Variants in HDAC4 observed in about 807,000 individuals in gnomAD.
HDAC4 encodes the protein histone deacetylase 4.
A neutral mutation model predicts 135.1 loss-of-function variants in HDAC4; 16 were observed. The ratio of observed to expected loss-of-function variants is 0.12; its 90% CI spans 0.08 to 0.18. The LOEUF (loss-of-function observed/expected upper bound fraction) is 0.18, where lower values mean the gene tolerates loss of function less well. Among genes scored for constraint, HDAC4 ranks in the 10% least tolerant of loss-of-function variants. The pLI is 1.00. For synonymous variants in HDAC4, 685 were observed against 653.4 expected, an observed-to-expected ratio of 1.05 and a Z score of -0.74; for missense variants, 1,143 against 1,511.8, an observed-to-expected ratio of 0.76 and a Z score of 4.05.
At chr2:239,137,352 A>G (rs906045622) in intron 9 of HDAC4, among the ~76,000 whole-genome samples, 2 of 152,220 alleles carry the variant, frequency 1.3e-5, no homozygotes. Context: ...AGCAGCGGCC[A>G]CAGAGGAGCT....
chr2:239,163,993 G>A (rs940977880), intron 5 of HDAC4, 70 bp from the exon 6 acceptor site: 2 of 1,584,930 alleles, frequency 1.3e-6, no homozygotes, highest in Non-Finnish European at 1.7e-6. Context: ...CAGGGCAGCG[G>A]GGCCACAGAG....
intron 3 of HDAC4, among the ~76,000 whole-genome samples, chr2:239,198,062 T>C (rs1001115285): frequency 4.6e-4 from 70 of 152,172 alleles, no homozygotes; most frequent in African/African-American, 1.6e-3. Flanking sequence ...GCCAGGCTGG[T>C]CTCAAACTCC....
At chr2:239,290,600 C>G (rs902425685) in intron 2 of HDAC4, among the ~76,000 whole-genome samples, 14 of 148,728 alleles carry the variant, frequency 9.4e-5, no homozygotes, top group Non-Finnish European at 1.6e-4. Flanking sequence ...CACACACACA[C>G]AGGCACGTGC....
At chr2:239,053,363 A>T (rs1246301286) in intron 26 of HDAC4, 97 bp downstream of exon 26, 1 of 1,498,652 alleles carries the variant, frequency 6.7e-7, no homozygotes, top group Non-Finnish European at 9.1e-7. Context: ...TCTGTTGGGC[A>T]GGGCATGTGC....
chr2:239,191,205 G>A, intron 3 of HDAC4: 1 of 339,378 alleles, frequency 2.9e-6, no homozygotes, highest in East Asian at 7.8e-5. Flanking sequence ...AGCTCAGAGG[G>A]GTGTCTGGGC....
At chr2:239,107,723 G>GA (rs1460544229) in intron 15 of HDAC4, among the ~76,000 whole-genome samples, 1 of 152,262 alleles carries the variant, frequency 6.6e-6, no homozygotes, top group Non-Finnish European at 1.5e-5. Context: ...CCTTGGGGAA[G>GA]TGACCCGGAG....
In HDAC4 at chr2:239,256,417, AT is replaced by A. The variant is rs746805227; in HGVS notation, c.23-19754del. 3.9e-5 allele frequency among the ~76,000 whole-genome samples: 6 copies of A among 152,218 alleles called. No homozygotes were observed. The East Asian group carries it at 7.7e-4, about 20-fold the overall frequency. ...AGGGGAAAGAGATTCAGAACAACAC[AT>A]GGGGGAAAGGACAGGCTGGTCGGGG... On this transcript the variant is annotated intron_variant, in intron 2 of 26. Transcript: ENST00000543185.
Position 239,352,549 on chromosome 2 carries a change from A to G in HDAC4, c.22+129T>C, listed in dbSNP as rs993693160. On this transcript the variant is annotated intron_variant, in intron 2 of 26. Transcript: ENST00000543185. This position sits in a 1 kb window ranked among gnomAD's most constrained non-coding sequence, Gnocchi z 4.4. ...CATTTTGCACTTTGTGCTGTCAAAA[A>G]CCAACAGTGACCACTATCAAGAAAA... 16 of 869,902 alleles carry G rather than the reference A, an allele frequency of 1.8e-5. No individual in the cohort carries two copies. The highest frequency in any genetic ancestry group is 2.8e-5 in the Non-Finnish European group (15 of 529,922). The allele number at this position is 869,902 out of a possible 1,614,324, so 53.9% of individuals were successfully genotyped here. A position where few individuals can be genotyped will look rare whatever the true frequency, so the allele number is the denominator to read the frequency against.
At chr2:239,359,585 G>C (rs1340298697) in intron 1 of HDAC4, among the ~76,000 whole-genome samples, 1 of 152,192 alleles carries the variant, frequency 6.6e-6, no homozygotes, top group African/African-American at 2.4e-5. Flanking sequence ...CTGGGGGGTG[G>C]GGGCTCCAGC....
intron 12 of HDAC4, among the ~76,000 whole-genome samples, chr2:239,118,218 ACTTT>A (rs3838510): frequency 0.084 from 12,725 of 152,164 alleles, 844 homozygotes; most frequent in Admixed American, 0.23. Flanking sequence ...TCATCCCTTA[ACTTT>A]CTTTCTAAGA....
chr2:239,198,708 C>G (rs2045563467), intron 3 of HDAC4, among the ~76,000 whole-genome samples: 1 of 152,188 alleles, frequency 6.6e-6, no homozygotes, highest in Admixed American at 6.5e-5. Context: ...AGTTGCCAGG[C>G]TCTCATTCGT....
intron 24 of HDAC4, among the ~76,000 whole-genome samples, chr2:239,060,777 T>G (rs369254057): frequency 7.2e-4 from 110 of 152,328 alleles, no homozygotes; most frequent in African/African-American, 2.6e-3. Flanking sequence ...AGCGTAACTC[T>G]GTCTGTCACA....
In HDAC4 at chr2:239,066,653, G is replaced by T; in HGVS notation, c.3003+69C>A. On this transcript the variant is annotated intron_variant, in intron 24 of 26. Coordinates refer to ENST00000543185, the MANE Select transcript of HDAC4 (RefSeq NM_001378414.1). ...GGCTTTTTCATGCTCTGGGGCTCTCGGGCAGCCAGGCCACAACCCCGAGCC... is the reference window on the plus strand; with the variant it reads ...GGCTTTTTCATGCTCTGGGGCTCTCTGGCAGCCAGGCCACAACCCCGAGCC... 2.5e-6 allele frequency: 4 copies of T among 1,608,318 alleles called. No homozygotes were observed. In the South Asian group the frequency reaches 3.3e-5, roughly 13 times the overall value.
At position 239,238,755 on chromosome 2, in the gene HDAC4, G is replaced by A. The variant is rs140699056; in HGVS notation, c.23-2091C>T. On this transcript the variant is annotated intron_variant, in intron 2 of 26. Coordinates refer to ENST00000543185, the MANE Select transcript of HDAC4 (RefSeq NM_001378414.1). ...AGTTACTTTTACTACACTGAAGCAG[G>A]AAGACACATCAGATCTCAGTGCAAC... Among the ~76,000 whole-genome samples, 305 of 152,288 alleles carry A rather than the reference G, an allele frequency of 2.0e-3. 2 individuals carry two copies. Among genetic ancestry groups the A allele is most frequent in the African/African-American group, 7.1e-3 (296 of 41,556 alleles).
chr2:239,264,053 A>C (rs903708887), intron 2 of HDAC4, among the ~76,000 whole-genome samples: 20 of 151,950 alleles, frequency 1.3e-4, no homozygotes, highest in African/African-American at 4.8e-4. Flanking sequence ...CAATGACTGA[A>C]AACAAAAGGG....
chr2:239,239,562 C>T (rs941635047), intron 2 of HDAC4, among the ~76,000 whole-genome samples: 4 of 152,126 alleles, frequency 2.6e-5, no homozygotes, highest in South Asian at 2.1e-4. Context: ...ACGAAAGGCT[C>T]GCTGGACACT....
chr2:239,102,794 C>A lies in HDAC4; in HGVS notation c.2215G>T (p.Asp739Tyr). 3 of 1,613,912 alleles carry A rather than the reference C, an allele frequency of 1.9e-6. No homozygotes were observed. Among genetic ancestry groups the A allele is most frequent in the East Asian group, 2.2e-5 (1 of 44,884 alleles). The change falls in exon 16 of 27, where the codon GAC (aspartate) becomes TAC (tyrosine). Residue 739 changes from aspartate (D) to tyrosine (Y), a missense_variant. Coordinates refer to ENST00000543185, the MANE Select transcript of HDAC4 (RefSeq NM_001378414.1). Reference protein sequence around the residue: ...GTNPLNRQKLDSKKLLGSLAS... With the variant: ...GTNPLNRQKLYSKKLLGSLAS... Reference sequence around the variant, plus strand: ...GAAATACCTAGAAGTTTCTTACTGTCCAGTTTCTGCCGGTTGAGGGGGTTC... The same window carrying A: ...GAAATACCTAGAAGTTTCTTACTGTACAGTTTCTGCCGGTTGAGGGGGTTC...
intron 2 of HDAC4, among the ~76,000 whole-genome samples, chr2:239,236,909 A>T (rs2047920639): frequency 6.6e-6 from 1 of 152,174 alleles, no homozygotes; most frequent in African/African-American, 2.4e-5. Flanking sequence ...CTGGCTTAGC[A>T]ATTTGGGTTT....
rs563065911 is a variant in HDAC4 at position 239,331,039 on chromosome 2, A to G, written c.22+21639T>C. On this transcript the variant is annotated intron_variant, in intron 2 of 26. Transcript: ENST00000543185. This position sits in a 1 kb window ranked among gnomAD's most constrained non-coding sequence, Gnocchi z 4.5. Reference sequence around the variant, plus strand: ...CAACCTGCCTGACCTTGGCTGCCCGAAATTCGGAGTGGGGAGGAAGGCAGA... The same window carrying G: ...CAACCTGCCTGACCTTGGCTGCCCGGAATTCGGAGTGGGGAGGAAGGCAGA... Among the ~76,000 whole-genome samples, 13 of 151,934 alleles carry G rather than the reference A, an allele frequency of 8.6e-5. No individual in the cohort carries two copies. The highest frequency in any genetic ancestry group is 3.2e-4 in the African/African-American group (13 of 41,258).
Sources: allele counts gnomAD v4.1 joint callset (sites outside exome capture counted in the v4.1 genomes callset), GRCh38; gene constraint gnomAD v4.1.1; non-coding constraint Gnocchi (gnomAD v3.1); transcripts MANE v1.5; gene names NCBI Gene and HGNC (gene_info 2026-07-23, HGNC 2026-07-21).